The following MSI1 variants were observed in gnomAD, a reference collection of about 807,000 sequenced individuals.
MSI1 encodes the protein musashi RNA binding protein 1.
Under a neutral mutation model 54.4 loss-of-function variants are expected in MSI1, and 15 were observed. The ratio of observed to expected loss-of-function variants is 0.28; its 90% CI spans 0.18 to 0.42. The LOEUF is 0.42. Among genes scored for constraint, MSI1 ranks in the 20% least tolerant of loss-of-function variants. The pLI is 1.00. For synonymous variants in MSI1, 200 were observed against 196.5 expected (o/e 1.02, Z -0.15); for missense variants, 304 against 506.0 (o/e 0.60, Z 3.83).
In MSI1 at chr12:120,368,067, C is replaced by G. The variant is rs1038401875; in HGVS notation, c.208G>C (p.Asp70His). ...AGCACTTTATCCACCCCCGCCTGGT[C>G]CATGAAAGTGACGAAGCCGAAACCC... ...SRGFGFVTFM[D>H]QAGVDKVLAQ... Residue 70 changes from aspartate (D) to histidine (H), a missense_variant, in exon 4 of 15, where the codon GAC becomes CAC. Coordinates refer to ENST00000257552, the MANE Select transcript of MSI1 (RefSeq NM_002442.4). The surrounding 1 kb of genome is among the most constrained non-coding windows in gnomAD (Gnocchi z 6.6). The G allele has an allele frequency of 6.2e-7, 1 of 1,613,794 alleles. No homozygotes were observed. Among genetic ancestry groups the G allele is most frequent in the East Asian group, 2.2e-5 (1 of 44,850 alleles).
intron 11 of MSI1, among the ~76,000 whole-genome samples, chr12:120,348,544 T>A (rs1592926781): frequency 7.4e-6 from 1 of 134,492 alleles, no homozygotes. Context: ...CTTCTCACCC[T>A]CCAAAAATAT....
chr12:120,365,329 C>T (rs1875949636), intron 4 of MSI1, among the ~76,000 whole-genome samples: 1 of 152,164 alleles, frequency 6.6e-6, no homozygotes, highest in African/African-American at 2.4e-5. Flanking sequence ...GTCAAGTTCA[C>T]CTGCAAAATG....
intron 13 of MSI1, 70 bp from the exon 14 acceptor site, chr12:120,345,702 T>C: frequency 3.8e-6 from 6 of 1,580,546 alleles, no homozygotes; most frequent in South Asian, 1.1e-5. Flanking sequence ...CTTCTCTCTC[T>C]GCAGGACATC....
At position 120,368,920 on chromosome 12, in the gene MSI1, C is replaced by G; in HGVS notation, c.60-47G>C. ...AAAGGGCCCGCGTGAGCGCCGGGCG[C>G]CAGGGCGCAGGGGGCGCGGGCCCGG... On this transcript the variant is annotated intron_variant, in intron 1 of 14. Coordinates refer to ENST00000257552, the MANE Select transcript of MSI1 (RefSeq NM_002442.4). The surrounding 1 kb of genome is among the most constrained non-coding windows in gnomAD (Gnocchi z 6.6). 2 of 1,347,732 alleles carry G rather than the reference C, an allele frequency of 1.5e-6. No individual in the cohort carries two copies. The highest frequency in any genetic ancestry group is 1.9e-6 in the Non-Finnish European group (2 of 1,030,954). 83.5% of individuals were successfully genotyped at this position (1,347,732 alleles called of 1,614,324 possible). A position where few individuals can be genotyped will look rare whatever the true frequency, so the allele number is the denominator to read the frequency against.
At chr12:120,361,904 G>A (rs1432768235) in intron 6 of MSI1, among the ~76,000 whole-genome samples, 1 of 151,890 alleles carries the variant, frequency 6.6e-6, no homozygotes, top group Non-Finnish European at 1.5e-5. Flanking sequence ...CCATGGCAAC[G>A]CCGGCCCCGG....
At chr12:120,359,128 G>A in intron 6 of MSI1, 75 bp from the exon 7 acceptor site, 1 of 1,521,520 alleles carries the variant, frequency 6.6e-7, no homozygotes, top group South Asian at 1.2e-5. Context: ...AGGGGCTCTG[G>A]CAACCCACTG....
At chr12:120,367,651 G>A (rs534053642) in intron 4 of MSI1, among the ~76,000 whole-genome samples, 17 of 152,190 alleles carry the variant, frequency 1.1e-4, no homozygotes, top group African/African-American at 3.9e-4. Context: ...GCCACCGGGT[G>A]GGTCAGTGCT....
Position 120,368,495 on chromosome 12 carries a change from G to C in MSI1, c.101-222C>G, listed in dbSNP as rs1305723116. The stretch of plus-strand genomic sequence containing the variant: ...GCCGAGGGCCGAGCTGGGCTGGAAG[G>C]GGGACGGCTCCGGCCGGGTTCCCGC... On this transcript the variant is annotated intron_variant, in intron 2 of 14. Transcript: ENST00000257552. This position sits in a 1 kb window ranked among gnomAD's most constrained non-coding sequence, Gnocchi z 6.6. Among the ~76,000 whole-genome samples the C allele has an allele frequency of 6.6e-6, 1 of 152,094 alleles. No individual in the cohort carries two copies. Among genetic ancestry groups the C allele is most frequent in the African/African-American group, 2.4e-5 (1 of 41,448 alleles).
At chr12:120,367,147 C>T (rs1876066818) in intron 4 of MSI1, among the ~76,000 whole-genome samples, 1 of 152,042 alleles carries the variant, frequency 6.6e-6, no homozygotes, top group African/African-American at 2.4e-5. Flanking sequence ...GCTATTGTTG[C>T]AGGTAAACGG....
At chr12:120,358,144 G>C (rs1443988398) in intron 7 of MSI1, among the ~76,000 whole-genome samples, 1 of 152,228 alleles carries the variant, frequency 6.6e-6, no homozygotes, top group Admixed American at 6.5e-5. Context: ...CAGCAAGTTA[G>C]AAAGTGGTAG....
rs1283159506 is a variant in MSI1 at position 120,368,473 on chromosome 12, G to A, written c.101-200C>T. Among the ~76,000 whole-genome samples, 1 of 152,058 alleles carries A rather than the reference G, an allele frequency of 6.6e-6. No individual in the cohort carries two copies. Among genetic ancestry groups the A allele is most frequent in the Non-Finnish European group, 1.5e-5 (1 of 67,960 alleles). Reference sequence around the variant, plus strand: ...GCGCCCACCGGGGCCCCGGGAAGCCGAGGGCCGAGCTGGGCTGGAAGGGGG... The same window carrying A: ...GCGCCCACCGGGGCCCCGGGAAGCCAAGGGCCGAGCTGGGCTGGAAGGGGG... On this transcript the variant is annotated intron_variant, in intron 2 of 14. Transcript: ENST00000257552. This position sits in a 1 kb window ranked among gnomAD's most constrained non-coding sequence, Gnocchi z 6.6.
intron 4 of MSI1, among the ~76,000 whole-genome samples, chr12:120,366,059 C>T (rs1443435929): frequency 2.0e-5 from 3 of 152,118 alleles, no homozygotes; most frequent in South Asian, 2.1e-4. Flanking sequence ...TATAGCTGTA[C>T]GACAAACAGC....
intron 9 of MSI1, among the ~76,000 whole-genome samples, chr12:120,356,520 A>G (rs1283423427): frequency 6.6e-6 from 1 of 152,176 alleles, no homozygotes; most frequent in Non-Finnish European, 1.5e-5. Flanking sequence ...TCCCTGCCAG[A>G]TTGTAAAGAA....
chr12:120,348,034 G>A (rs926703345), intron 11 of MSI1, among the ~76,000 whole-genome samples: 3 of 152,064 alleles, frequency 2.0e-5, no homozygotes, highest in South Asian at 4.2e-4. Context: ...GGCTCACACC[G>A]AGGCCATAGC....
At chr12:120,348,176 TCTC>T (rs56105437) in intron 11 of MSI1, among the ~76,000 whole-genome samples, 67,748 of 151,606 alleles carry the variant, frequency 0.45, 15,481 homozygotes, top group South Asian at 0.56. Context: ...TTGTCTGCCA[TCTC>T]CTCTTCAGAC....
At chr12:120,343,665 TATCTC>T (rs1420470766) in intron 14 of MSI1, among the ~76,000 whole-genome samples, 1 of 152,224 alleles carries the variant, frequency 6.6e-6, no homozygotes. Flanking sequence ...AGTCTGGAAT[TATCTC>T]ATATGTTCAC....
intron 7 of MSI1, 58 bp from the exon 8 acceptor site, chr12:120,357,956 C>T: frequency 6.8e-7 from 1 of 1,477,654 alleles, no homozygotes; most frequent in Non-Finnish European, 9.5e-7. Context: ...GGTCAAAACT[C>T]AACCCCAGGT....
Position 120,358,994 on chromosome 12 carries a change from G to A in MSI1, c.451+11C>T, listed in dbSNP as rs752569477. On this transcript the variant is annotated intron_variant, in intron 7 of 14. Transcript: ENST00000257552. ...GGCCCAGCCTGGGAAGGGGGAGGGG[G>A]CCACACTCACCTCGGTGCCGGTTGG... 1.3e-6 allele frequency: 2 copies of A among 1,567,074 alleles called. No homozygotes were observed. The highest frequency in any genetic ancestry group is 2.4e-5 in the South Asian group (2 of 84,974).
intron 11 of MSI1, among the ~76,000 whole-genome samples, chr12:120,350,113 T>C (rs1166195275): frequency 6.6e-6 from 1 of 151,994 alleles, no homozygotes; most frequent in African/African-American, 2.4e-5. Flanking sequence ...CCTTCACCTC[T>C]TGGGCTCAAA....
Sources: gnomAD v4.1 joint callset for allele counts (sites outside exome capture counted in the v4.1 genomes callset) on GRCh38, gnomAD v4.1.1 for gene constraint, Gnocchi (gnomAD v3.1) non-coding constraint, MANE v1.5 for transcripts, NCBI Gene and HGNC (gene_info 2026-07-23, HGNC 2026-07-21) for gene names.